KLF12: variants seen among roughly 807,000 people sequenced by gnomAD.
KLF12 encodes Krueppel-like factor 12.
KLF12 carries 9 observed loss-of-function variants against 37.8 expected under a neutral mutation model. The observed-to-expected ratio is 0.24, with a 90% confidence interval of 0.14 to 0.42. KLF12 has a LOEUF of 0.42. Among genes scored for constraint, KLF12 ranks in the 10% least tolerant of loss-of-function variants. The probability of loss-of-function intolerance (pLI) is 1.00; values close to 1 mark genes in which losing one functional copy is unlikely to be tolerated. For missense variants in KLF12, 411 were observed against 516.0 expected (o/e 0.80, Z 1.97); for synonymous variants, 208 against 202.1 (o/e 1.03, Z -0.25).
chr13:73,877,688 A>G (rs1244732721), intron 3 of KLF12, among the ~76,000 whole-genome samples: 1 of 152,152 alleles, frequency 6.6e-6, no homozygotes, highest in South Asian at 2.1e-4. Flanking sequence ...TGGAAGTAGC[A>G]TTTCTATGAA....
intron 1 of KLF12, among the ~76,000 whole-genome samples, chr13:74,093,405 T>C (rs941701917): frequency 1.3e-5 from 2 of 152,240 alleles, no homozygotes; most frequent in African/African-American, 4.8e-5. Context: ...ATGTGTTACC[T>C]GATCTCCGTT....
intron 2 of KLF12, among the ~76,000 whole-genome samples, chr13:73,983,412 T>G (rs1483233665): frequency 6.6e-6 from 1 of 152,172 alleles, no homozygotes; most frequent in Non-Finnish European, 1.5e-5. Flanking sequence ...TGCCTTCTGG[T>G]TCGTGAACCT....
chr13:73,861,734 T>C (rs990940826), intron 3 of KLF12, among the ~76,000 whole-genome samples: 1 of 152,170 alleles, frequency 6.6e-6, no homozygotes, highest in African/African-American at 2.4e-5. Flanking sequence ...CTTCCATATG[T>C]GTTAATCATG....
intron 3 of KLF12, among the ~76,000 whole-genome samples, chr13:73,868,921 C>T (rs1438214535): frequency 6.6e-6 from 1 of 151,924 alleles, no homozygotes; most frequent in Non-Finnish European, 1.5e-5. Flanking sequence ...TACAAATTGG[C>T]AAAACAAATC....
intron 1 of KLF12, among the ~76,000 whole-genome samples, chr13:74,016,405 G>C (rs1026726980): frequency 3.9e-5 from 6 of 152,158 alleles, no homozygotes; most frequent in Admixed American, 6.5e-5. Flanking sequence ...TGTCACCCAG[G>C]CTGGAGTGCA....
At chr13:74,216,934 C>T in the KLF12 span, among the ~76,000 whole-genome samples, 2 of 152,134 alleles carry the variant, frequency 1.3e-5, no homozygotes, top group African/African-American at 2.4e-5. Flanking sequence ...AGTTAAGAGT[C>T]GGCCTATATA....
Position 73,846,154 on chromosome 13 carries a change from T to A in KLF12, c.343A>T (p.Thr115Ser), listed in dbSNP as rs1885006148. The change falls in exon 4 of 8, where the codon ACC (threonine) becomes TCC (serine). Residue 115 changes from threonine (T) to serine (S), a missense_variant. This residue lies in a region of KLF12 where 351 missense variants were observed against 397.8 expected (regional missense o/e 0.88). Transcript: ENST00000377669. ...AGACGACTAGAAGACGATGAAGAGG[T>A]TGAAGTTGAAGAAGGTGAGGAGGCA... 1.2e-6 allele frequency: 2 copies of A among 1,613,674 alleles called. No individual in the cohort carries two copies. Among genetic ancestry groups the A allele is most frequent in the South Asian group, 1.1e-5 (1 of 91,046 alleles).
intron 5 of KLF12, among the ~76,000 whole-genome samples, chr13:73,803,063 G>A (rs535669594): frequency 6.6e-6 from 1 of 152,254 alleles, no homozygotes; most frequent in South Asian, 2.1e-4. Context: ...AATTTGCTCT[G>A]CATGGTTTTT....
chr13:73,817,213 G>A (rs1223815841), intron 4 of KLF12, among the ~76,000 whole-genome samples: 2 of 151,810 alleles, frequency 1.3e-5, no homozygotes, highest in Non-Finnish European at 2.9e-5. Context: ...AGCTAGTTGG[G>A]AGGCTGAGGT....
At chr13:74,260,574 TAAATA>T in the KLF12 span, among the ~76,000 whole-genome samples, 10,777 of 100,128 alleles carry the variant, frequency 0.11, 529 homozygotes, top group East Asian at 0.19. Context: ...TAAAATAAAA[TAAATA>T]AAATAAAATA....
intron 7 of KLF12, among the ~76,000 whole-genome samples, chr13:73,704,931 AG>A (rs1874826819): frequency 6.6e-6 from 1 of 152,222 alleles, no homozygotes; most frequent in Admixed American, 6.5e-5. Context: ...AGAACATAGG[AG>A]GGTCAACATA....
intron 1 of KLF12, among the ~76,000 whole-genome samples, chr13:73,996,101 G>C (rs781753350): frequency 3.9e-5 from 6 of 152,126 alleles, no homozygotes; most frequent in Non-Finnish European, 5.9e-5. Flanking sequence ...AGCTCCATAG[G>C]CTTGACCAGT....
At chr13:74,040,754 C>A (rs1396277288) in intron 1 of KLF12, among the ~76,000 whole-genome samples, 1 of 152,134 alleles carries the variant, frequency 6.6e-6, no homozygotes, top group African/African-American at 2.4e-5. Flanking sequence ...ACAGTATTCC[C>A]GAAGCTGAGG....
intron 2 of KLF12, among the ~76,000 whole-genome samples, chr13:73,954,339 T>C (rs1205756887): frequency 6.6e-6 from 1 of 152,214 alleles, no homozygotes; most frequent in Admixed American, 6.5e-5. Context: ...ATTTAAATAT[T>C]TAGTTAAAAC....
chr13:73,992,536 C>T (rs1225884961), intron 2 of KLF12, among the ~76,000 whole-genome samples: 1 of 152,100 alleles, frequency 6.6e-6, no homozygotes, highest in African/African-American at 2.4e-5. Context: ...TCAGTATGGA[C>T]ACAACAGAAA....
intron 3 of KLF12, among the ~76,000 whole-genome samples, chr13:73,887,207 A>AT (rs1887271774): frequency 6.6e-6 from 1 of 152,198 alleles, no homozygotes; most frequent in Non-Finnish European, 1.5e-5. Flanking sequence ...ATCTAAATAA[A>AT]TTGTCTAAAG....
intron 3 of KLF12, among the ~76,000 whole-genome samples, chr13:73,847,698 C>A (rs928467326): frequency 2.6e-5 from 4 of 152,012 alleles, no homozygotes; most frequent in Non-Finnish European, 5.9e-5. Context: ...AAACAAATGA[C>A]TTAGAAACAA....
the KLF12 span, among the ~76,000 whole-genome samples, chr13:74,252,020 C>G: frequency 5.9e-5 from 9 of 152,208 alleles, no homozygotes; most frequent in East Asian, 1.5e-3. Context: ...TGGGATGGGT[C>G]TGGGACAGGC....
chr13:74,098,585 C>A (rs1778884676), intron 1 of KLF12, among the ~76,000 whole-genome samples: 1 of 152,086 alleles, frequency 6.6e-6, no homozygotes, highest in African/African-American at 2.4e-5. Context: ...GGCCTAATAC[C>A]CTAGAGCCCT....
Sources: allele counts gnomAD v4.1 joint callset (sites outside exome capture counted in the v4.1 genomes callset), GRCh38; gene constraint gnomAD v4.1.1; regional missense constraint gnomAD v4.1.1; transcripts MANE v1.5; gene names NCBI Gene and HGNC (gene_info 2026-07-23, HGNC 2026-07-21).